PLEKHD1: variants seen among roughly 807,000 people sequenced by gnomAD.
The protein encoded by PLEKHD1 is pleckstrin homology domain-containing family D member 1.
A neutral mutation model predicts 69.2 loss-of-function variants in PLEKHD1; 51 were observed. The ratio of observed to expected loss-of-function variants is 0.74; its 90% CI spans 0.59 to 0.93. PLEKHD1 has a LOEUF of 0.93. Ranked by LOEUF, PLEKHD1 falls within the 40% of genes least tolerant of loss-of-function variation. The pLI is 0.00. For synonymous variants in PLEKHD1, 236 were observed against 244.7 expected (o/e 0.96, Z 0.33); for missense variants, 584 against 641.0 (o/e 0.91, Z 0.96).
the PLEKHD1 span, among the ~76,000 whole-genome samples, chr14:69,479,555 C>T: frequency 1.3e-5 from 2 of 151,974 alleles, no homozygotes; most frequent in African/African-American, 4.8e-5. Flanking sequence ...ACCTGTGGTC[C>T]CAGCTACTCC....
chr14:69,484,736 C>T lies in PLEKHD1; in HGVS notation c.-230C>T. 2.1e-6 allele frequency: 1 copy of T among 483,804 alleles called. No individual in the cohort carries two copies. Among genetic ancestry groups the T allele is most frequent in the Non-Finnish European group, 3.6e-6 (1 of 275,056 alleles). 30.0% of individuals were successfully genotyped at this position (483,804 alleles called of 1,614,324 possible). ...TGAGCCACCCTCCCCGCGGAGTTCC[C>T]GCCCGGCCCTCTGCAATCCGGAGCC... On this transcript the variant is annotated 5_prime_UTR_variant, in exon 1 of 13. Transcript: ENST00000322564.
chr14:69,485,093 C>T lies in PLEKHD1; in HGVS notation c.128C>T (p.Pro43Leu), dbSNP rs369424907. Residue 43 changes from proline to leucine, a missense_variant, in exon 1 of 13, where the codon CCG (proline) becomes CTG (leucine). Pro to Leu is a moderately conservative substitution (Grantham distance 98). Coordinates refer to ENST00000322564, the MANE Select transcript of PLEKHD1 (RefSeq NM_001161498.2). ...CTGTGGAAGAGGCCTTTCGGCAGGC[C>T]GTCGGCCAAGTGGTCCCGGCGGTGA... ...GVLWKRPFGR[P>L]SAKWSRRFFI... 68 of 1,550,812 alleles carry T rather than the reference C, an allele frequency of 4.4e-5. No individual in the cohort carries two copies. The African/African-American group carries it at 8.5e-4, about 19-fold the overall frequency.
chr14:69,478,832 C>T, the PLEKHD1 span, among the ~76,000 whole-genome samples: 2 of 152,174 alleles, frequency 1.3e-5, no homozygotes, highest in Non-Finnish European at 2.9e-5. Flanking sequence ...CTGAGCCCTC[C>T]AAACCGTTCC....
the PLEKHD1 span, among the ~76,000 whole-genome samples, chr14:69,474,645 A>G: frequency 6.6e-6 from 1 of 152,216 alleles, no homozygotes; most frequent in Admixed American, 6.5e-5. Flanking sequence ...GGTCTGAAGT[A>G]TAAACTGCCA....
At position 69,529,876 on chromosome 14, in the gene PLEKHD1, G is replaced by T. The variant is rs190875518; in HGVS notation, c.*1457G>T. Reference sequence around the variant, plus strand: ...TGTGGAAGACCACCACCCTCCAGGGGGCTGAAGGGTGTGTCTGTCTCTCAC... The same window carrying T: ...TGTGGAAGACCACCACCCTCCAGGGTGCTGAAGGGTGTGTCTGTCTCTCAC... On this transcript the variant is annotated 3_prime_UTR_variant, in exon 13 of 13. Transcript: ENST00000322564. 6.6e-6 allele frequency: 1 copy of T among 152,192 alleles called. No homozygotes were observed. Among genetic ancestry groups the T allele is most frequent in the African/African-American group, 2.4e-5 (1 of 41,424 alleles). The allele number at this position is 152,192 out of a possible 1,614,324, so 9.4% of individuals were successfully genotyped here.
intron 1 of PLEKHD1, among the ~76,000 whole-genome samples, chr14:69,488,455 C>T (rs1038641535): frequency 3.3e-5 from 5 of 152,152 alleles, no homozygotes; most frequent in Admixed American, 3.3e-4. Context: ...CTTTCTGGCA[C>T]CCCTGGCATT....
At chr14:69,520,115 T>A (rs550275804) in intron 6 of PLEKHD1, among the ~76,000 whole-genome samples, 1 of 129,322 alleles carries the variant, frequency 7.7e-6, no homozygotes, top group Non-Finnish European at 1.5e-5. Flanking sequence ...TGCAGTGAAC[T>A]GAGATCGTGC....
chr14:69,487,034 C>G (rs79438749), intron 1 of PLEKHD1, among the ~76,000 whole-genome samples: 7,254 of 152,276 alleles, frequency 0.048, 234 homozygotes, highest in South Asian at 0.11. Flanking sequence ...GTCCTTTAGC[C>G]TCCTTCCAAG....
chr14:69,487,720 A>C (rs1882686781), intron 1 of PLEKHD1, among the ~76,000 whole-genome samples: 1 of 152,176 alleles, frequency 6.6e-6, no homozygotes, highest in African/African-American at 2.4e-5. Flanking sequence ...ATTAGCAGAG[A>C]TCAGATAATC....
intron 7 of PLEKHD1, among the ~76,000 whole-genome samples, chr14:69,523,507 G>T (rs1883568157): frequency 6.6e-6 from 1 of 152,168 alleles, no homozygotes; most frequent in African/African-American, 2.4e-5. Flanking sequence ...ATGTTGCCAG[G>T]TATTAGAAGG....
At chr14:69,526,929 A>G in intron 10 of PLEKHD1, 100 bp downstream of exon 10, 3 of 1,420,114 alleles carry the variant, frequency 2.1e-6, no homozygotes, top group Non-Finnish European at 1.9e-6. Flanking sequence ...TATCTCTGTC[A>G]GTCTGACCAG....
chr14:69,475,111 C>A, the PLEKHD1 span, among the ~76,000 whole-genome samples: 333 of 152,318 alleles, frequency 2.2e-3, 1 homozygote, highest in Non-Finnish European at 3.1e-3. Flanking sequence ...ACGCTGGTGA[C>A]CAGCCTTTGG....
chr14:69,528,481 C>A lies in PLEKHD1; in HGVS notation c.*62C>A. ...ATGGGCGGGGGAGGGGAAGGGGTGG[C>A]AGAGGGAGGCCTCACTCTACCAGCT... On this transcript the variant is annotated 3_prime_UTR_variant, in exon 13 of 13. Transcript: ENST00000322564. 6.6e-7 allele frequency: 1 copy of A among 1,508,838 alleles called. No homozygotes were observed. The highest frequency in any genetic ancestry group is 8.9e-7 in the Non-Finnish European group (1 of 1,125,716). 93.5% of individuals were successfully genotyped at this position (1,508,838 alleles called of 1,614,324 possible). A position where few individuals can be genotyped will look rare whatever the true frequency, so the allele number is the denominator to read the frequency against.
the PLEKHD1 span, among the ~76,000 whole-genome samples, chr14:69,474,983 C>G: frequency 6.6e-6 from 1 of 152,176 alleles, no homozygotes; most frequent in East Asian, 1.9e-4. Context: ...AGCCTCCCAA[C>G]GCTCTGGGAT....
chr14:69,517,298 G>A (rs561986032), intron 6 of PLEKHD1, among the ~76,000 whole-genome samples: 5 of 152,302 alleles, frequency 3.3e-5, no homozygotes. Context: ...AAGCTCTGGT[G>A]GGGAAGATCA....
chr14:69,528,837 CCCTGCCCGTGGTCCTCATGTAGAAAGG>C lies in PLEKHD1; in HGVS notation c.*422_*448del, dbSNP rs760151038. ...ACTGGACCTCTCTGGGACTCTGCTG[CCCTGCCCGTGGTCCTCATGTAGAAAGG>C]CCTTGCCTCCCTACCTTGACATTCC... On this transcript the variant is annotated 3_prime_UTR_variant, in exon 13 of 13. Transcript: ENST00000322564. 115 of 175,278 alleles carry C rather than the reference CCCTGCCCGTGGTCCTCATGTAGAAAGG, an allele frequency of 6.6e-4. 1 individual carries two copies. The East Asian group carries it at 0.012, about 19-fold the overall frequency. 10.9% of individuals were successfully genotyped at this position (175,278 alleles called of 1,614,324 possible). A position where few individuals can be genotyped will look rare whatever the true frequency, so the allele number is the denominator to read the frequency against.
chr14:69,517,458 G>A (rs1005305010), intron 6 of PLEKHD1, among the ~76,000 whole-genome samples: 17 of 152,176 alleles, frequency 1.1e-4, no homozygotes, highest in African/African-American at 4.1e-4. Flanking sequence ...AATGGCAAAT[G>A]AAGCAGGGAG....
intron 6 of PLEKHD1, among the ~76,000 whole-genome samples, chr14:69,519,266 C>T (rs1174855515): frequency 2.0e-5 from 3 of 151,980 alleles, no homozygotes. Flanking sequence ...AAGGAAAAGG[C>T]TTTTATCAGG....
intron 6 of PLEKHD1, among the ~76,000 whole-genome samples, chr14:69,509,830 C>G (rs1306990417): frequency 1.3e-5 from 2 of 151,856 alleles, no homozygotes; most frequent in Non-Finnish European, 2.9e-5. Context: ...CCCAGCTACT[C>G]AGGAGACTGA....
Sources: gnomAD v4.1 joint callset for allele counts (sites outside exome capture counted in the v4.1 genomes callset) on GRCh38, gnomAD v4.1.1 for gene constraint, MANE v1.5 for transcripts, NCBI Gene and HGNC (gene_info 2026-07-23, HGNC 2026-07-21) for gene names.